The following SCN3B variants were observed in gnomAD, a reference collection of about 807,000 sequenced individuals.
SCN3B encodes the protein sodium voltage-gated channel beta subunit 3.
Under a neutral mutation model 25.4 loss-of-function variants are expected in SCN3B, and 11 were observed. The ratio of observed to expected loss-of-function variants is 0.43; its 90% CI spans 0.27 to 0.72. The LOEUF is 0.72. SCN3B is among the 30% of genes least tolerant of loss of function. The pLI, the probability that SCN3B is intolerant of heterozygous loss-of-function variation, is 0.18. For missense variants in SCN3B, 218 were observed against 278.3 expected, an observed-to-expected ratio of 0.78 and a Z score of 1.54; for synonymous variants, 109 against 110.7, an observed-to-expected ratio of 0.99 and a Z score of 0.09.
intron 3 of SCN3B, among the ~76,000 whole-genome samples, chr11:123,644,800 A>AGAGAGAGAGAATATAT (rs1272015067): frequency 2.2e-4 from 10 of 45,580 alleles, no homozygotes; most frequent in African/African-American, 7.0e-4. Flanking sequence ...AGAGAGAGAG[A>AGAGAGAGAGAATATAT]ATATATATAT....
In SCN3B at chr11:123,634,162, G is replaced by A. The variant is rs186341159; in HGVS notation, c.629C>T (p.Ala210Val). 283 of 1,613,600 alleles carry A rather than the reference G, an allele frequency of 1.8e-4. 1 individual carries two copies. The highest frequency in any genetic ancestry group is 1.5e-5 in the Non-Finnish European group (18 of 1,179,728). Residue 210 changes from alanine to valine, a missense_variant, in exon 6 of 7, where the codon GCG becomes GTG. Ala to Val is a moderately conservative substitution (Grantham distance 64, BLOSUM62 0). Coordinates refer to ENST00000299333, the MANE Select transcript of SCN3B (RefSeq NM_001040151.2). ...AIPSENKENSAVPVEE is the reference protein window; with the variant it reads ...AIPSENKENSVVPVEE ...CCTGTTCTATTCCTCCACTGGTACC[G>A]CAGAGTTCTCCTTGTTCTCAGATGG...
At position 123,648,859 on chromosome 11, in the gene SCN3B, T is replaced by C. The variant is rs577467506; in HGVS notation, c.56-3109A>G. ...GTGAGAATAGAAGGGGATGAAGTAG[T>C]AGGAGGGATGGGGAGGGCCAGATCA... On this transcript the variant is annotated intron_variant, in intron 2 of 6. Transcript: ENST00000299333. Among the ~76,000 whole-genome samples, 109 of 152,020 alleles carry C rather than the reference T, an allele frequency of 7.2e-4. 1 individual carries two copies. The highest frequency in any genetic ancestry group is 1.9e-3 in the Admixed American group (29 of 15,270).
At chr11:123,653,327 T>G (rs1308434662) in intron 2 of SCN3B, among the ~76,000 whole-genome samples, 2 of 59,462 alleles carry the variant, frequency 3.4e-5, no homozygotes, top group Admixed American at 2.0e-4. Flanking sequence ...CTTTTATGGT[T>G]TTTTTTTTTT....
chr11:123,644,860 C>T (rs1955836899), intron 3 of SCN3B, among the ~76,000 whole-genome samples: 1 of 146,828 alleles, frequency 6.8e-6, no homozygotes, highest in Admixed American at 6.8e-5. Context: ...CATATATACA[C>T]ACACACATAC....
intron 3 of SCN3B, among the ~76,000 whole-genome samples, chr11:123,643,636 C>A (rs776318257): frequency 1.3e-5 from 2 of 152,238 alleles, no homozygotes; most frequent in Non-Finnish European, 2.9e-5. Context: ...TATGAGACAG[C>A]CTTGCTGTGG....
Position 123,645,631 on chromosome 11 carries a change from C to T in SCN3B, c.175G>A (p.Val59Met), listed in dbSNP as rs1955845784. ...TCGGGCCTGTAGAACCATTCCACCA[C>T]CGTGGTGGCCTCCACCTCCTCTCTC... Reference protein sequence around the residue: ...MKREEVEATTVVEWFYRPEGG... With the variant: ...MKREEVEATTMVEWFYRPEGG... The change falls in exon 3 of 7, where the codon GTG (valine) becomes ATG (methionine). Residue 59 changes from valine (V) to methionine (M), a missense_variant. By Grantham distance (21) the Val-to-Met change is conservative. Transcript: ENST00000299333. The T allele has an allele frequency of 6.2e-7, 1 of 1,614,072 alleles. No individual in the cohort carries two copies. Among genetic ancestry groups the T allele is most frequent in the African/African-American group, 1.3e-5 (1 of 74,954 alleles).
chr11:123,649,637 CTTT>C (rs35009568), intron 2 of SCN3B, among the ~76,000 whole-genome samples: 1 of 148,820 alleles, frequency 6.7e-6, no homozygotes, highest in Non-Finnish European at 1.5e-5. Context: ...TTCTTTCTTT[CTTT>C]TTTTTCTTTC....
rs76257004 is a variant in SCN3B, at chr11:123,631,872, T to C, written c.*1927A>G. 387 of 152,256 alleles carry C rather than the reference T, an allele frequency of 2.5e-3. 3 individuals are homozygous for C. The highest frequency in any genetic ancestry group is 8.9e-3 in the African/African-American group (369 of 41,544). 9.4% of individuals were successfully genotyped at this position (152,256 alleles called of 1,614,324 possible). A position where few individuals can be genotyped will look rare whatever the true frequency, so the allele number is the denominator to read the frequency against. ...AAATAAAAATTTAAAAGTCTGGTTT[T>C]AAGTACTTTCCTAGGGATGGAAGAA... On this transcript the variant is annotated 3_prime_UTR_variant, in exon 7 of 7. Coordinates refer to ENST00000299333, the MANE Select transcript of SCN3B (RefSeq NM_001040151.2).
chr11:123,644,894 T>C (rs895252737), intron 3 of SCN3B, among the ~76,000 whole-genome samples: 2 of 147,372 alleles, frequency 1.4e-5, no homozygotes, highest in Non-Finnish European at 3.0e-5. Context: ...CACACACATA[T>C]ACAACCACTT....
At chr11:123,648,060 C>T (rs184849816) in intron 2 of SCN3B, among the ~76,000 whole-genome samples, 1 of 152,220 alleles carries the variant, frequency 6.6e-6, no homozygotes, top group Admixed American at 6.5e-5. Context: ...GTGGTTTGCG[C>T]AAAAGTTTGT....
chr11:123,645,216 A>G (rs1955840785), intron 3 of SCN3B, among the ~76,000 whole-genome samples: 1 of 152,182 alleles, frequency 6.6e-6, no homozygotes, highest in African/African-American at 2.4e-5. Context: ...ATTTCACATA[A>G]TGATGCTTTG....
At chr11:123,634,255 G>A (rs1187114458) in intron 5 of SCN3B, 49 bp from the exon 6 acceptor site, 2 of 1,478,266 alleles carry the variant, frequency 1.4e-6, no homozygotes, top group Non-Finnish European at 1.9e-6. Context: ...GCCCAGCGTG[G>A]GAACACAAGA....
In SCN3B at chr11:123,631,430, C is replaced by T. The variant is rs1295061889; in HGVS notation, c.*2369G>A. 2 of 152,200 alleles carry T rather than the reference C, an allele frequency of 1.3e-5. No homozygotes were observed. Among genetic ancestry groups the T allele is most frequent in the African/African-American group, 2.4e-5 (1 of 41,442 alleles). The allele number at this position is 152,200 out of a possible 1,614,324, so 9.4% of individuals were successfully genotyped here. A position where few individuals can be genotyped will look rare whatever the true frequency, so the allele number is the denominator to read the frequency against. On this transcript the variant is annotated 3_prime_UTR_variant, in exon 7 of 7. Coordinates refer to ENST00000299333, the MANE Select transcript of SCN3B (RefSeq NM_001040151.2). ...ATAAAGTTAAAAAGGTCTATATCCT[C>T]TCCCTTATTTCAGAGGGATTGTGTG...
At chr11:123,647,765 A>G (rs1955870598) in intron 2 of SCN3B, among the ~76,000 whole-genome samples, 1 of 152,236 alleles carries the variant, frequency 6.6e-6, no homozygotes, top group South Asian at 2.1e-4. Context: ...ATTGACTTAG[A>G]AGGCAATGTA....
chr11:123,646,427 A>G (rs568168319), intron 2 of SCN3B, among the ~76,000 whole-genome samples: 3 of 152,310 alleles, frequency 2.0e-5, no homozygotes, highest in South Asian at 2.1e-4. Context: ...GAGGTATCCA[A>G]TGTTTTAAAG....
chr11:123,644,429 C>T (rs780005263), intron 3 of SCN3B, among the ~76,000 whole-genome samples: 4 of 152,104 alleles, frequency 2.6e-5, no homozygotes, highest in African/African-American at 9.7e-5. Flanking sequence ...CCTGGCTCCA[C>T]AGTCAGTGAA....
chr11:123,641,792 T>A (rs546982957), intron 4 of SCN3B, among the ~76,000 whole-genome samples: 1 of 152,078 alleles, frequency 6.6e-6, no homozygotes, highest in South Asian at 2.1e-4. Context: ...ATGCCACAGA[T>A]GGGGAAGAGG....
At position 123,645,616 on chromosome 11, in the gene SCN3B, A is replaced by G; in HGVS notation, c.190T>C (p.Tyr64His). 1 of 1,614,224 alleles carries G rather than the reference A, an allele frequency of 6.2e-7. No individual in the cohort carries two copies. Among genetic ancestry groups the G allele is most frequent in the Non-Finnish European group, 8.5e-7 (1 of 1,180,032 alleles). ...AAATCTTTACCGCCCTCGGGCCTGT[A>G]GAACCATTCCACCACCGTGGTGGCC... ...VEATTVVEWF[Y>H]RPEGGKDFLI... The change falls in exon 3 of 7, where the codon TAC (tyrosine) becomes CAC (histidine). Residue 64 changes from tyrosine (Y) to histidine (H), a missense_variant. Transcript: ENST00000299333.
Position 123,633,760 on chromosome 11 carries a change from T to TC in SCN3B, c.*38dup, listed in dbSNP as rs1311059501. On this transcript the variant is annotated 3_prime_UTR_variant, in exon 7 of 7. Coordinates refer to ENST00000299333, the MANE Select transcript of SCN3B (RefSeq NM_001040151.2). ...TGCTGAACATGGGATGTCCAGTCCCTCAGGTGTTCAGGCCACCTACCAAAG... is the reference window on the plus strand; with the variant it reads ...TGCTGAACATGGGATGTCCAGTCCCTCCAGGTGTTCAGGCCACCTACCAAAG... The TC allele has an allele frequency of 1.8e-5, 6 of 328,496 alleles. No homozygotes were observed. The Admixed American group carries it at 2.0e-4, about 11-fold the overall frequency. The allele number at this position is 328,496 out of a possible 1,614,324, so 20.3% of individuals were successfully genotyped here. A position where few individuals can be genotyped will look rare whatever the true frequency, so the allele number is the denominator to read the frequency against.
Sources: gnomAD v4.1 joint callset for allele counts (sites outside exome capture counted in the v4.1 genomes callset) on GRCh38, gnomAD v4.1.1 for gene constraint, MANE v1.5 for transcripts, NCBI Gene and HGNC (gene_info 2026-07-23, HGNC 2026-07-21) for gene names.